NCOA4: variants seen among roughly 807,000 people sequenced by gnomAD.
The protein encoded by NCOA4 is 70 kDa AR-activator.
In NCOA4, 31 loss-of-function variants were observed where a neutral mutation model predicts 69.5. That is an observed-to-expected ratio of 0.45 (90% confidence interval 0.34 to 0.60). The LOEUF (loss-of-function observed/expected upper bound fraction) is 0.60. NCOA4 is among the 20% of genes least tolerant of loss of function. The pLI is 0.02. For missense variants in NCOA4, 600 were observed against 719.2 expected, an observed-to-expected ratio of 0.83 and a Z score of 1.90; for synonymous variants, 228 against 252.4, an observed-to-expected ratio of 0.90 and a Z score of 0.92.
At chr10:46,020,936 T>G (rs554682447) in intron 1 of NCOA4, among the ~76,000 whole-genome samples, 1 of 152,382 alleles carries the variant, frequency 6.6e-6, no homozygotes, top group South Asian at 2.1e-4. Flanking sequence ...TTAAGTGCTT[T>G]CTAAAACTTC....
chr10:46,014,030 A>T (rs376737242), intron 5 of NCOA4, among the ~76,000 whole-genome samples: 2 of 147,226 alleles, frequency 1.4e-5, no homozygotes, highest in East Asian at 2.0e-4. Flanking sequence ...CAGAATATGA[A>T]TTTTTTTTTT....
intron 1 of NCOA4, among the ~76,000 whole-genome samples, chr10:46,028,998 G>A (rs537825245): frequency 1.2e-4 from 18 of 147,812 alleles, no homozygotes; most frequent in Non-Finnish European, 1.9e-4. Flanking sequence ...CCCCTACACC[G>A]GATCCTGAGA....
chr10:46,027,404 C>T (rs1463872423), intron 1 of NCOA4: 3 of 1,548,994 alleles, frequency 1.9e-6, no homozygotes, highest in African/African-American at 2.7e-5. Flanking sequence ...CTCTAACTGA[C>T]ATGCATGGAG....
chr10:46,013,166 A>G, intron 6 of NCOA4, 140 bp from the exon 7 acceptor site: 1 of 733,204 alleles, frequency 1.4e-6, no homozygotes, highest in Non-Finnish European at 2.2e-6. Context: ...CACAATTATA[A>G]AACAAGAGAC....
chr10:46,027,264 G>A (rs1434403106), intron 1 of NCOA4, among the ~76,000 whole-genome samples: 1 of 104,284 alleles, frequency 9.6e-6, no homozygotes, highest in Non-Finnish European at 1.8e-5. Context: ...GCAAGACTCC[G>A]TCTCAAAAAA....
chr10:46,015,472 T>G (rs1839487128), intron 2 of NCOA4, among the ~76,000 whole-genome samples: 1 of 152,166 alleles, frequency 6.6e-6, no homozygotes, highest in Non-Finnish European at 1.5e-5. Flanking sequence ...GGGTTTAGTG[T>G]TCCAAAGCCC....
At chr10:46,025,395 T>G (rs1840106032) in intron 1 of NCOA4, among the ~76,000 whole-genome samples, 1 of 152,196 alleles carries the variant, frequency 6.6e-6, no homozygotes, top group Admixed American at 6.5e-5. Context: ...CAATATCCTC[T>G]GGAAACAGAC....
chr10:46,012,080 A>AAAAAAAAAAAAAC, intron 7 of NCOA4, among the ~76,000 whole-genome samples: 1 of 133,936 alleles, frequency 7.5e-6, no homozygotes, highest in Non-Finnish European at 1.5e-5. Context: ...GAAAAAAAAA[A>AAAAAAAAAAAAAC]AAAAAAAAAA....
Position 46,006,954 on chromosome 10 carries a change from A to G in NCOA4, c.1840-357T>C, listed in dbSNP as rs560186777. 1.8e-4 allele frequency among the ~76,000 whole-genome samples: 28 copies of G among 152,346 alleles called. No homozygotes were observed. In the South Asian group the frequency reaches 3.3e-3, roughly 18 times the overall value. On this transcript the variant is annotated intron_variant, in intron 9 of 9. Transcript: ENST00000581486. ...CATCTCTCACTCTTCTTTAAATCAA[A>G]AGCCAGAAATGATTAAACTTAGCGA...
At chr10:46,016,715 T>G (rs375201154) in intron 1 of NCOA4, 21 bp from the exon 2 acceptor site, 1 of 1,382,688 alleles carries the variant, frequency 7.2e-7, no homozygotes, top group Non-Finnish European at 9.5e-7. Context: ...AAAAAATATA[T>G]ATAAATAGCA....
chr10:46,011,075 G>A lies in NCOA4; in HGVS notation c.846C>T (p.Ser282=). The A allele has an allele frequency of 1.2e-6, 2 of 1,613,892 alleles. No individual in the cohort carries two copies. Among genetic ancestry groups the A allele is most frequent in the Non-Finnish European group, 1.7e-6 (2 of 1,179,846 alleles). Residue 282 remains serine (S), a synonymous_variant, in exon 8 of 10, where the codon TCC becomes TCT. Coordinates refer to ENST00000581486, the MANE Select transcript of NCOA4 (RefSeq NM_001145263.2). Reference sequence around the variant, plus strand: ...GATCTCCAACCTTTTCCATTTCAATGGAGAAAGAACTAGTAGTGGAATGGC... The same window carrying A: ...GATCTCCAACCTTTTCCATTTCAATAGAGAAAGAACTAGTAGTGGAATGGC... ...CNSHSTTSSF[S]IEMEKVGDQE...
chr10:46,010,399 G>C lies in NCOA4; in HGVS notation c.1522C>G (p.Pro508Ala), dbSNP rs2132319799. 6.2e-7 allele frequency: 1 copy of C among 1,614,110 alleles called. No homozygotes were observed. The highest frequency in any genetic ancestry group is 1.7e-5 in the Admixed American group (1 of 60,022). ...LIRPPYKEGS[P>A]KEVPGTEDRA... The stretch of plus-strand genomic sequence containing the variant: ...TCTTCAGTACCAGGCACTTCCTTGG[G>C]ACTTCCTTCTTTGTATGGGGGCCTG... The change falls in exon 8 of 10, where the codon CCC (proline) becomes GCC (alanine). Residue 508 changes from proline (P) to alanine (A), a missense_variant. By Grantham distance (27) the Pro-to-Ala change is conservative (BLOSUM62 -1). Coordinates refer to ENST00000581486, the MANE Select transcript of NCOA4 (RefSeq NM_001145263.2).
chr10:46,012,783 T>G, intron 7 of NCOA4, 100 bp downstream of exon 7: 1 of 1,243,524 alleles, frequency 8.0e-7, no homozygotes, highest in Non-Finnish European at 1.1e-6. Flanking sequence ...GTTTCCAGAC[T>G]GCAACCAAAA....
At chr10:46,015,464 G>A (rs1554923002) in intron 2 of NCOA4, among the ~76,000 whole-genome samples, 198 bp from the exon 3 acceptor site, 2 of 152,050 alleles carry the variant, frequency 1.3e-5, no homozygotes, top group Non-Finnish European at 2.9e-5. Flanking sequence ...TAATTTCAGG[G>A]TTTAGTGTTC....
At chr10:46,027,314 T>A (rs1272824027) in intron 1 of NCOA4, 9 of 812,090 alleles carry the variant, frequency 1.1e-5, no homozygotes, top group Admixed American at 2.6e-5. Context: ...AAGACTGTAG[T>A]CATTCATATC....
chr10:46,008,954 CTTT>C (rs1230519297), intron 9 of NCOA4, among the ~76,000 whole-genome samples: 1 of 151,982 alleles, frequency 6.6e-6, no homozygotes, highest in Non-Finnish European at 1.5e-5. Context: ...TAATAAAATA[CTTT>C]TTAATTGAGG....
intron 1 of NCOA4, among the ~76,000 whole-genome samples, chr10:46,028,873 A>G (rs1840299387): frequency 6.6e-6 from 1 of 152,076 alleles, no homozygotes; most frequent in Non-Finnish European, 1.5e-5. Context: ...AGCAGCAGCA[A>G]TGACTGGCTC....
intron 8 of NCOA4, 151 bp from the exon 9 acceptor site, chr10:46,009,702 C>G (rs1839087863): frequency 2.8e-6 from 2 of 709,184 alleles, no homozygotes; most frequent in East Asian, 5.4e-5. Context: ...ATTTCTACCC[C>G]AAATATTTTC....
intron 1 of NCOA4, chr10:46,027,335 C>T: frequency 9.6e-7 from 1 of 1,036,454 alleles, no homozygotes; most frequent in East Asian, 2.7e-5. Flanking sequence ...AGAAGTTAAG[C>T]ATTGCAATGT....
Sources: gnomAD v4.1 joint callset for allele counts (sites outside exome capture counted in the v4.1 genomes callset) on GRCh38, gnomAD v4.1.1 for gene constraint, MANE v1.5 for transcripts, NCBI Gene and HGNC (gene_info 2026-07-23, HGNC 2026-07-21) for gene names.